Variants in HECTD3 observed in about 807,000 individuals in gnomAD.
HECTD3 encodes the protein E3 ubiquitin-protein ligase HECTD3.
In HECTD3, 72 loss-of-function variants were observed where a neutral mutation model predicts 109.3. The ratio of observed to expected loss-of-function variants is 0.66; its 90% confidence interval spans 0.54 to 0.80. HECTD3 has a LOEUF of 0.80. Among genes scored for constraint, HECTD3 ranks in the 30% least tolerant of loss-of-function variants. The pLI is 0.00. For synonymous variants in HECTD3, 481 were observed against 471.8 expected (o/e 1.02, Z -0.25); for missense variants, 1,041 against 1,165.2 (o/e 0.89, Z 1.55).
chr1:45,009,969 G>A lies in HECTD3; in HGVS notation c.759+17C>T, dbSNP rs1644769801. 6.6e-7 allele frequency: 1 copy of A among 1,518,088 alleles called. No homozygotes were observed. Among genetic ancestry groups the A allele is most frequent in the Non-Finnish European group, 8.8e-7 (1 of 1,132,644 alleles). 94.0% of individuals were successfully genotyped at this position (1,518,088 alleles called of 1,614,324 possible). Reference sequence around the variant, plus strand: ...TGACTATATCTTGCCTGGGGTGGGAGGAGCCCCAGCACCCACCGTGTAGGA... The same window carrying A: ...TGACTATATCTTGCCTGGGGTGGGAAGAGCCCCAGCACCCACCGTGTAGGA... On this transcript the variant is annotated intron_variant, in intron 4 of 20. Coordinates refer to ENST00000372172, the MANE Select transcript of HECTD3 (RefSeq NM_024602.6).
rs377294466 is a variant in HECTD3, at chr1:45,009,488, G to C, written c.876-6C>G. 2 of 1,612,342 alleles carry C rather than the reference G, an allele frequency of 1.2e-6. No individual in the cohort carries two copies. The highest frequency in any genetic ancestry group is 1.7e-6 in the Non-Finnish European group (2 of 1,178,396). On this transcript the variant is annotated splice_region_variant and splice_polypyrimidine_tract_variant and intron_variant, in intron 5 of 20. Transcript: ENST00000372172. ...CCACTGTGAGTAGCAGCTTCCTGAAGGGTCAGAGTGTGAATATGAGTCTTT... is the reference window on the plus strand; with the variant it reads ...CCACTGTGAGTAGCAGCTTCCTGAACGGTCAGAGTGTGAATATGAGTCTTT...
At position 45,006,629 on chromosome 1, in the gene HECTD3, T is replaced by A. The variant is rs1303282424; in HGVS notation, c.1725+63A>T. 1 of 1,413,314 alleles carries A rather than the reference T, an allele frequency of 7.1e-7. No homozygotes were observed. Among genetic ancestry groups the A allele is most frequent in the Admixed American group, 1.8e-5 (1 of 54,450 alleles). 87.5% of individuals were successfully genotyped at this position (1,413,314 alleles called of 1,614,324 possible). A position where few individuals can be genotyped will look rare whatever the true frequency, so the allele number is the denominator to read the frequency against. On this transcript the variant is annotated intron_variant, in intron 13 of 20. Coordinates refer to ENST00000372172, the MANE Select transcript of HECTD3 (RefSeq NM_024602.6). The surrounding 1 kb of genome is among the most constrained non-coding windows in gnomAD (Gnocchi z 4.7). ...TTTCTAGCTCAATCTGGCCCCCTCCTCTGCCCCCTTTCTAGCTCAATCTGG... is the reference window on the plus strand; with the variant it reads ...TTTCTAGCTCAATCTGGCCCCCTCCACTGCCCCCTTTCTAGCTCAATCTGG...
In HECTD3 at chr1:45,009,494, G is replaced by C. The variant is rs761392711; in HGVS notation, c.876-12C>G. ...TGAGTAGCAGCTTCCTGAAGGGTCA[G>C]AGTGTGAATATGAGTCTTTGTGAAC... is the stretch of plus-strand genomic sequence containing the variant. On this transcript the variant is annotated splice_polypyrimidine_tract_variant and intron_variant, in intron 5 of 20. Coordinates refer to ENST00000372172, the MANE Select transcript of HECTD3 (RefSeq NM_024602.6). 5 of 1,610,596 alleles carry C rather than the reference G, an allele frequency of 3.1e-6. No individual in the cohort carries two copies. The highest frequency in any genetic ancestry group is 3.3e-5 in the Admixed American group (2 of 59,986).
In HECTD3 at chr1:45,010,878, G is replaced by A. The variant is rs1644784733; in HGVS notation, c.369+11C>T. The A allele has an allele frequency of 1.3e-6, 2 of 1,515,772 alleles. No individual in the cohort carries two copies. Among genetic ancestry groups the A allele is most frequent in the Non-Finnish European group, 1.7e-6 (2 of 1,143,276 alleles). The allele number at this position is 1,515,772 out of a possible 1,614,324, so 93.9% of individuals were successfully genotyped here. On this transcript the variant is annotated intron_variant, in intron 1 of 20. Coordinates refer to ENST00000372172, the MANE Select transcript of HECTD3 (RefSeq NM_024602.6). The stretch of plus-strand genomic sequence containing the variant: ...GGTCTTTTACCGGGTCCTGGGCAGG[G>A]AAGAGCGCACCTTTGTCAGCTTCAC...
At chr1:45,010,347 A>T (rs1644775527) in intron 2 of HECTD3, 54 bp from the exon 3 acceptor site, 1 of 1,546,244 alleles carries the variant, frequency 6.5e-7, no homozygotes, top group Non-Finnish European at 8.9e-7. Flanking sequence ...TCAGCAAGAC[A>T]CTACCTCCAT....
At chr1:45,008,086 A>G (rs1184943988) in intron 9 of HECTD3, among the ~76,000 whole-genome samples, 154 bp downstream of exon 9, 1 of 152,158 alleles carries the variant, frequency 6.6e-6, no homozygotes, top group Non-Finnish European at 1.5e-5. Flanking sequence ...CCCAAACACT[A>G]AATTTGGACC....
rs1256897991 is a variant in HECTD3, at chr1:45,006,119, G to GC, written c.1726-4dup. The GC allele has an allele frequency of 1.2e-6, 2 of 1,613,182 alleles. No homozygotes were observed. Among genetic ancestry groups the GC allele is most frequent in the East Asian group, 4.5e-5 (2 of 44,856 alleles). On this transcript the variant is annotated splice_region_variant and splice_polypyrimidine_tract_variant and intron_variant, in intron 13 of 20. Transcript: ENST00000372172. The surrounding 1 kb of genome is among the most constrained non-coding windows in gnomAD (Gnocchi z 4.7). ...CGAGCCTCACCAGTGCCATTGCCCT[G>GC]CCCCAGAGACAGAGCTGTGAGTGTG...
rs113744661 is a variant in HECTD3, at chr1:45,010,223, C to A, written c.601G>T (p.Ala201Ser). The change falls in exon 3 of 21, where the codon GCA becomes TCA. Residue 201 changes from alanine (A) to serine (S), a missense_variant. By Grantham distance (99) the Ala-to-Ser change is moderately conservative (BLOSUM62 1). Around this residue, in one of 2 missense-constraint regions of HECTD3, gnomAD observed 472 missense variants for 449.9 expected, o/e 1.05. Coordinates refer to ENST00000372172, the MANE Select transcript of HECTD3 (RefSeq NM_024602.6). ...CACAGTAGCCTTTGTACAGCTTCTG[C>A]GTATGCCTCTGCCGGCTGAGGTCTC... ...GSRPQPAEAY[A>S]EAVQRLLYVP... is the part of the protein sequence containing the mutation. The A allele has an allele frequency of 1.2e-5, 19 of 1,613,850 alleles. No homozygotes were observed. The highest frequency in any genetic ancestry group is 1.5e-5 in the Non-Finnish European group (18 of 1,179,992).
Position 45,010,417 on chromosome 1 carries a change from C to T in HECTD3, c.531-124G>A, listed in dbSNP as rs1569949130. On this transcript the variant is annotated intron_variant, in intron 2 of 20. Transcript: ENST00000372172. ...TCTCCCTCCGAGCCCCCTTCACGTC[C>T]CGCCCCTTTCTGCTCTTAACCCTGC... The T allele has an allele frequency of 9.6e-6, 14 of 1,461,426 alleles. No individual in the cohort carries two copies. In the East Asian group the frequency reaches 3.3e-4, roughly 34 times the overall value. 90.5% of individuals were successfully genotyped at this position (1,461,426 alleles called of 1,614,324 possible). A position where few individuals can be genotyped will look rare whatever the true frequency, so the allele number is the denominator to read the frequency against.
In HECTD3 at chr1:45,008,671, A is replaced by G; in HGVS notation, c.1103T>C (p.Val368Ala). The G allele has an allele frequency of 5.0e-6, 8 of 1,613,568 alleles. No homozygotes were observed. The highest frequency in any genetic ancestry group is 6.8e-6 in the Non-Finnish European group (8 of 1,179,930). Residue 368 changes from valine to alanine, a missense_variant, in exon 8 of 21, where the codon GTC becomes GCC. Transcript: ENST00000372172. Reference protein sequence around the residue: ...DDGIDVRLRGVKIKSSRQREL... With the variant: ...DDGIDVRLRGAKIKSSRQREL... The stretch of plus-strand genomic sequence containing the variant: ...CCGCTGTCTAGATGACTTGATCTTG[A>G]CCCCTCGGAGACGAACATCAATCCC...
intron 6 of HECTD3, 38 bp from the exon 7 acceptor site, chr1:45,009,264 G>A (rs1283175662): frequency 6.4e-7 from 1 of 1,567,568 alleles, no homozygotes. Flanking sequence ...GATACCTCCT[G>A]CCTCAGGCCT....
At chr1:45,010,418 C>T (rs1012275001) in intron 2 of HECTD3, 125 bp from the exon 3 acceptor site, 34 of 1,464,742 alleles carry the variant, frequency 2.3e-5, no homozygotes, top group Non-Finnish European at 2.8e-5. Context: ...CTTCACGTCC[C>T]GCCCCTTTCT....
At position 45,004,683 on chromosome 1, in the gene HECTD3, C is replaced by T; in HGVS notation, c.2059G>A (p.Ala687Thr). The change falls in exon 16 of 21, where the codon GCA (alanine) becomes ACA (threonine). Residue 687 changes from alanine (A) to threonine (T), a missense_variant. Physicochemically the swap from Ala to Thr is moderately conservative, Grantham distance 58 (BLOSUM62 0). This residue lies in a region of HECTD3 where 569 missense variants were observed against 715.3 expected (regional missense o/e 0.80). Transcript: ENST00000372172. ...TCCCCATATCCCACGACGATGCCTG[C>T]ACCCCCAGGGATCAGCTCCACCACC... ...QQVVELIPGG[A>T]GIVVGYGDRS... 1 of 1,614,202 alleles carries T rather than the reference C, an allele frequency of 6.2e-7. No individual in the cohort carries two copies. Among genetic ancestry groups the T allele is most frequent in the Non-Finnish European group, 8.5e-7 (1 of 1,180,018 alleles).
Position 45,009,208 on chromosome 1 carries a change from G to A in HECTD3, c.1008C>T (p.Val336=). The A allele has an allele frequency of 1.2e-6, 2 of 1,613,868 alleles. No individual in the cohort carries two copies. The highest frequency in any genetic ancestry group is 1.1e-5 in the South Asian group (1 of 91,080). The change falls in exon 7 of 21, where the codon GTC becomes GTT. Residue 336 remains valine, a synonymous_variant. Transcript: ENST00000372172. ...GGACGGTCATGTCCTCCAGGACACA[G>A]ACATCCCCGATGAGGGTCCTGAGGA... ...VSIDETLIGD[V]CVLEDMTVHL...
chr1:45,005,761 G>A, intron 15 of HECTD3, 33 bp downstream of exon 15: 2 of 1,534,914 alleles, frequency 1.3e-6, no homozygotes, highest in Non-Finnish European at 1.8e-6. Context: ...TAGGGGCTGG[G>A]CAGAGGAAAC....
rs199544969 is a variant in HECTD3, at chr1:45,010,117, C to T, written c.628G>A (p.Val210Ile). 8.9e-5 allele frequency: 144 copies of T among 1,610,632 alleles called. No individual in the cohort carries two copies. Among genetic ancestry groups the T allele is most frequent in the Non-Finnish European group, 1.2e-4 (138 of 1,177,406 alleles). Residue 210 changes from valine to isoleucine, a missense_variant, in exon 4 of 21, where the codon GTA becomes ATA. Physicochemically the swap from Val to Ile is conservative, Grantham distance 29. Around this residue, in one of 2 missense-constraint regions of HECTD3, gnomAD observed 472 missense variants for 449.9 expected, o/e 1.05. Transcript: ENST00000372172. ...YAEAVQRLLYVPPTWTYECDE... is the reference protein window; with the variant it reads ...YAEAVQRLLYIPPTWTYECDE... The stretch of plus-strand genomic sequence containing the variant: ...CACTCGTAGGTCCATGTCGGGGGTA[C>T]ATAGCTAAGCAACCCCAAGCCCCTA...
Position 45,004,256 on chromosome 1 carries a change from C to A in HECTD3, c.2264G>T (p.Arg755Leu), listed in dbSNP as rs769456782. The change falls in exon 17 of 21, where the codon CGC becomes CTC. Residue 755 changes from arginine (R) to leucine (L), a missense_variant. Transcript: ENST00000372172. ...TGCCTTGGGGAACTCACTGAGCTTGCGCAGAGCATCCACAGTGACCTCTGG... is the reference window on the plus strand; with the variant it reads ...TGCCTTGGGGAACTCACTGAGCTTGAGCAGAGCATCCACAGTGACCTCTGG... ...GDPEVTVDAL[R>L]KLTRFEDFEP... The A allele has an allele frequency of 1.8e-5, 29 of 1,613,886 alleles. No individual in the cohort carries two copies. The highest frequency in any genetic ancestry group is 2.4e-5 in the Non-Finnish European group (28 of 1,179,890).
Position 45,003,306 on chromosome 1 carries a change from G to T in HECTD3, c.*186C>A, listed in dbSNP as rs972822304. 25 of 599,808 alleles carry T rather than the reference G, an allele frequency of 4.2e-5. No homozygotes were observed. The highest frequency in any genetic ancestry group is 4.4e-4 in the Middle Eastern group (1 of 2,276). 37.2% of individuals were successfully genotyped at this position (599,808 alleles called of 1,614,324 possible). A position where few individuals can be genotyped will look rare whatever the true frequency, so the allele number is the denominator to read the frequency against. On this transcript the variant is annotated 3_prime_UTR_variant, in exon 21 of 21. Transcript: ENST00000372172. The surrounding 1 kb of genome is among the most constrained non-coding windows in gnomAD (Gnocchi z 4.7). The stretch of plus-strand genomic sequence containing the variant: ...CAGCACGGGTAGGGCTTGTGGGTCT[G>T]CGGGGCTGGGCCACTAGTGTTACCT...
Position 45,003,434 on chromosome 1 carries a change from T to C in HECTD3, c.*58A>G. On this transcript the variant is annotated 3_prime_UTR_variant, in exon 21 of 21. Transcript: ENST00000372172. This position sits in a 1 kb window ranked among gnomAD's most constrained non-coding sequence, Gnocchi z 4.7. Reference sequence around the variant, plus strand: ...CAGGGCAGGGAAGGTGTCTTCGCCCTGGGCAAGGCCAAGAGGGACACGTGC... The same window carrying C: ...CAGGGCAGGGAAGGTGTCTTCGCCCCGGGCAAGGCCAAGAGGGACACGTGC... 1 of 1,513,742 alleles carries C rather than the reference T, an allele frequency of 6.6e-7. No individual in the cohort carries two copies. Among genetic ancestry groups the C allele is most frequent in the Non-Finnish European group, 9.2e-7 (1 of 1,090,568 alleles). 93.8% of individuals were successfully genotyped at this position (1,513,742 alleles called of 1,614,324 possible).
Sources: gnomAD v4.1 joint callset for allele counts (sites outside exome capture counted in the v4.1 genomes callset) on GRCh38, gnomAD v4.1.1 for gene constraint, gnomAD v4.1.1 regional missense constraint, Gnocchi (gnomAD v3.1) non-coding constraint, MANE v1.5 for transcripts, NCBI Gene and HGNC (gene_info 2026-07-23, HGNC 2026-07-21) for gene names.